ATP9A: variants seen among roughly 807,000 people sequenced by gnomAD.
ATP9A encodes probable phospholipid-transporting ATPase IIA.
In ATP9A, 52 loss-of-function variants were observed where a neutral mutation model predicts 144.1. The observed-to-expected ratio is 0.36, with a 90% confidence interval of 0.29 to 0.45. The LOEUF is 0.45. Ranked by LOEUF, ATP9A falls within the 20% of genes least tolerant of loss-of-function variation. ATP9A has a pLI of 1.00. For synonymous variants in ATP9A, 582 were observed against 557.4 expected, an observed-to-expected ratio of 1.04 and a Z score of -0.62; for missense variants, 947 against 1,392.7, an observed-to-expected ratio of 0.68 and a Z score of 5.09.
intron 1 of ATP9A, among the ~76,000 whole-genome samples, chr20:51,753,487 C>A (rs184583599): frequency 0.026 from 3,866 of 147,246 alleles, 56 homozygotes; most frequent in East Asian, 0.057. Flanking sequence ...ACAACAACAA[C>A]AAACCCACGT....
chr20:51,680,836 T>C (rs1052770193), intron 9 of ATP9A, among the ~76,000 whole-genome samples: 1 of 152,066 alleles, frequency 6.6e-6, no homozygotes, highest in African/African-American at 2.4e-5. Flanking sequence ...CTGAGGCCAA[T>C]TAAGGAAGCA....
At chr20:51,661,504 A>C (rs1462754009) in intron 13 of ATP9A, among the ~76,000 whole-genome samples, 1 of 144,772 alleles carries the variant, frequency 6.9e-6, no homozygotes, top group Non-Finnish European at 1.5e-5. Context: ...CCGGGACCAC[A>C]GGCGTGCACC....
rs1475568481 is a variant in ATP9A, at chr20:51,694,211, C to G, written c.548-109G>C. The G allele has an allele frequency of 4.1e-6, 3 of 730,786 alleles. No homozygotes were observed. The African/African-American group carries it at 5.4e-5, about 13-fold the overall frequency. 45.3% of individuals were successfully genotyped at this position (730,786 alleles called of 1,614,324 possible). On this transcript the variant is annotated intron_variant, in intron 6 of 27. Coordinates refer to ENST00000338821, the MANE Select transcript of ATP9A (RefSeq NM_006045.3). The stretch of plus-strand genomic sequence containing the variant: ...GTAAAAACAGCCAACCAATGGCCAG[C>G]GACCACAAGAGAAAATACATATCCT...
chr20:51,622,388 A>C (rs1040830369), intron 18 of ATP9A, among the ~76,000 whole-genome samples: 3 of 152,170 alleles, frequency 2.0e-5, no homozygotes. Context: ...AAACTGGCAG[A>C]TGCTTCTAGA....
Position 51,611,977 on chromosome 20 carries a change from A to C in ATP9A, c.2571+1700T>G, listed in dbSNP as rs1424377655. On this transcript the variant is annotated intron_variant, in intron 23 of 27. Coordinates refer to ENST00000338821, the MANE Select transcript of ATP9A (RefSeq NM_006045.3). This position sits in a 1 kb window ranked among gnomAD's most constrained non-coding sequence, Gnocchi z 4.2. ...GCAGCACTACCTGATACATTGTACA[A>C]GGCAGACCGCCTTTCAAGTATGATT... Among the ~76,000 whole-genome samples the C allele has an allele frequency of 2.0e-5, 3 of 152,266 alleles. No homozygotes were observed. Among genetic ancestry groups the C allele is most frequent in the African/African-American group, 7.2e-5 (3 of 41,470 alleles).
In ATP9A at chr20:51,725,841, A is replaced by C; in HGVS notation, c.305T>G (p.Leu102Arg). 1 of 1,609,648 alleles carries C rather than the reference A, an allele frequency of 6.2e-7. No homozygotes were observed. Among genetic ancestry groups the C allele is most frequent in the Non-Finnish European group, 8.5e-7 (1 of 1,175,872 alleles). Reference sequence around the variant, plus strand: ...TACCAGGGGAACCCAGTAGGTATAGAGTGCACCAAGTCTCATTTCGGGAAC... The same window carrying C: ...TACCAGGGGAACCCAGTAGGTATAGCGTGCACCAAGTCTCATTTCGGGAAC... ...QFVPEMRLGA[L>R]YTYWVPLGFV... is the part of the protein sequence containing the mutation. Residue 102 changes from leucine to arginine, a missense_variant, in exon 3 of 28, where the codon CTC (leucine) becomes CGC (arginine). Around this residue, in one of 2 missense-constraint regions of ATP9A, gnomAD observed 770 missense variants for 1,047.9 expected, o/e 0.73. Transcript: ENST00000338821.
At chr20:51,672,541 T>C (rs6021368) in intron 11 of ATP9A, among the ~76,000 whole-genome samples, 37,222 of 152,110 alleles carry the variant, frequency 0.24, 4,939 homozygotes, top group Non-Finnish European at 0.28. Flanking sequence ...ATCCAGAGCA[T>C]GCTGACTTGG....
chr20:51,600,807 AACACACACACACACACACAC>A lies in ATP9A; in HGVS notation c.*384_*403del, dbSNP rs35997419. The stretch of plus-strand genomic sequence containing the variant: ...TACATACACATTAGGACTCTTTAAA[AACACACACACACACACACAC>A]ACACACACACACACACACAAGCCTT... On this transcript the variant is annotated 3_prime_UTR_variant, in exon 28 of 28. Transcript: ENST00000338821. The A allele has an allele frequency of 1.7e-5, 2 of 120,524 alleles. No individual in the cohort carries two copies. Among genetic ancestry groups the A allele is most frequent in the East Asian group, 2.1e-4 (1 of 4,850 alleles). The allele number at this position is 120,524 out of a possible 1,614,324, so 7.5% of individuals were successfully genotyped here. A position where few individuals can be genotyped will look rare whatever the true frequency, so the allele number is the denominator to read the frequency against.
intron 13 of ATP9A, among the ~76,000 whole-genome samples, chr20:51,667,702 C>A (rs1309778507): frequency 2.6e-5 from 4 of 152,080 alleles, no homozygotes; most frequent in African/African-American, 7.2e-5. Context: ...GGGGTCACGG[C>A]AGACAGGCGA....
intron 16 of ATP9A, 32 bp from the exon 17 acceptor site, chr20:51,627,715 G>C: frequency 6.3e-7 from 1 of 1,578,090 alleles, no homozygotes; most frequent in Non-Finnish European, 8.7e-7. Flanking sequence ...AGTGGGAGCG[G>C]TGCTGAGAGC....
chr20:51,722,044 C>G (rs1601126825), intron 3 of ATP9A, among the ~76,000 whole-genome samples: 1 of 151,880 alleles, frequency 6.6e-6, no homozygotes, highest in Non-Finnish European at 1.5e-5. Flanking sequence ...CAAATACTTA[C>G]AGCCGACTGC....
intron 27 of ATP9A, among the ~76,000 whole-genome samples, chr20:51,602,679 T>G (rs2077147775): frequency 1.3e-5 from 2 of 152,206 alleles, no homozygotes; most frequent in Admixed American, 6.5e-5. Flanking sequence ...TTACCTTTAC[T>G]AAAACCTTCC....
chr20:51,660,145 C>A (rs2077405172), intron 13 of ATP9A, among the ~76,000 whole-genome samples: 1 of 152,148 alleles, frequency 6.6e-6, no homozygotes, highest in Non-Finnish European at 1.5e-5. Flanking sequence ...TGTCCGCATT[C>A]CTCAGCACCT....
chr20:51,709,604 T>C (rs6067907), intron 4 of ATP9A, among the ~76,000 whole-genome samples: 37,054 of 152,114 alleles, frequency 0.24, 4,851 homozygotes, highest in Non-Finnish European at 0.28. Context: ...GGTGTGCACC[T>C]GTAGTCCCAA....
intron 15 of ATP9A, among the ~76,000 whole-genome samples, chr20:51,638,591 A>G (rs1466987482): frequency 2.0e-5 from 3 of 152,106 alleles, no homozygotes; most frequent in African/African-American, 7.2e-5. Flanking sequence ...GGATGGGCAC[A>G]GTGGCTCACA....
At chr20:51,619,642 G>A (rs2077218502) in intron 19 of ATP9A, among the ~76,000 whole-genome samples, 1 of 151,436 alleles carries the variant, frequency 6.6e-6, no homozygotes, top group African/African-American at 2.4e-5. Context: ...GCTGAGGTGG[G>A]CGGATCACCT....
intron 1 of ATP9A, among the ~76,000 whole-genome samples, chr20:51,756,324 T>C (rs1397872019): frequency 1.3e-5 from 2 of 151,524 alleles, no homozygotes; most frequent in Non-Finnish European, 2.9e-5. Context: ...GGAGTCTCGC[T>C]CTGTCGCCCA....
At chr20:51,744,782 A>G (rs1302546004) in intron 1 of ATP9A, among the ~76,000 whole-genome samples, 1 of 152,236 alleles carries the variant, frequency 6.6e-6, no homozygotes, top group Non-Finnish European at 1.5e-5. Context: ...TACAGGGTCC[A>G]GGAAAGAACA....
intron 1 of ATP9A, among the ~76,000 whole-genome samples, chr20:51,763,392 C>A (rs1038042217): frequency 5.9e-5 from 9 of 151,376 alleles, no homozygotes; most frequent in Non-Finnish European, 1.3e-4. Context: ...GGCTCACTGC[C>A]AGCTCTGCCT....
Sources: gnomAD v4.1 joint callset for allele counts (sites outside exome capture counted in the v4.1 genomes callset) on GRCh38, gnomAD v4.1.1 for gene constraint, gnomAD v4.1.1 regional missense constraint, Gnocchi (gnomAD v3.1) non-coding constraint, MANE v1.5 for transcripts, NCBI Gene and HGNC (gene_info 2026-07-23, HGNC 2026-07-21) for gene names.